CSMD3: variants seen among roughly 807,000 people sequenced by gnomAD.
CSMD3 encodes the protein CUB and Sushi multiple domains 3.
A neutral mutation model predicts 435.2 loss-of-function variants in CSMD3; 177 were observed. The observed-to-expected ratio is 0.41, with a 90% confidence interval of 0.36 to 0.46. The LOEUF (loss-of-function observed/expected upper bound fraction) is 0.46. Ranked by LOEUF, CSMD3 falls within the 20% of genes least tolerant of loss-of-function variation. CSMD3 has a pLI of 0.34. For missense variants in CSMD3, 4,265 were observed against 4,504.6 expected, an observed-to-expected ratio of 0.95 and a Z score of 1.52; for synonymous variants, 1,656 against 1,520.5, an observed-to-expected ratio of 1.09 and a Z score of -2.07.
chr8:113,259,935 T>C (rs933215850), intron 3 of CSMD3, among the ~76,000 whole-genome samples: 4 of 152,062 alleles, frequency 2.6e-5, no homozygotes, highest in Non-Finnish European at 4.4e-5. Context: ...GATTGAATCA[T>C]GGGGGTGGTT....
intron 41 of CSMD3, among the ~76,000 whole-genome samples, chr8:112,343,828 T>C (rs1255722586): frequency 6.6e-6 from 1 of 151,940 alleles, no homozygotes; most frequent in African/African-American, 2.4e-5. Flanking sequence ...TTTTTATTTA[T>C]AGTACAGACA....
chr8:112,724,499 G>T (rs2131983221), intron 13 of CSMD3, among the ~76,000 whole-genome samples: 1 of 152,208 alleles, frequency 6.6e-6, no homozygotes, highest in East Asian at 1.9e-4. Context: ...GTCTGTCTGA[G>T]CAAGGGGAAT....
chr8:113,434,322 C>A (rs1208386294), intron 1 of CSMD3, among the ~76,000 whole-genome samples: 1 of 152,104 alleles, frequency 6.6e-6, no homozygotes, highest in Non-Finnish European at 1.5e-5. Context: ...ACCTCACATT[C>A]CAGAAGAAAG....
At chr8:113,218,701 GA>G (rs1044091795) in intron 3 of CSMD3, among the ~76,000 whole-genome samples, 62 of 151,208 alleles carry the variant, frequency 4.1e-4, no homozygotes, top group African/African-American at 1.3e-3. Flanking sequence ...TCTGATAAAG[GA>G]AATCTACATA....
intron 1 of CSMD3, among the ~76,000 whole-genome samples, chr8:113,418,977 T>G (rs761709586): frequency 6.6e-6 from 1 of 152,212 alleles, no homozygotes; most frequent in African/African-American, 2.4e-5. Flanking sequence ...CCATAGCTTC[T>G]GCACCTGCAA....
chr8:113,336,271 T>C (rs772138916), intron 1 of CSMD3, among the ~76,000 whole-genome samples: 3 of 152,048 alleles, frequency 2.0e-5, no homozygotes, highest in Non-Finnish European at 2.9e-5. Flanking sequence ...CCTCCTTACA[T>C]GTTCTATTCT....
intron 36 of CSMD3, among the ~76,000 whole-genome samples, chr8:112,390,244 C>T (rs958037428): frequency 6.6e-6 from 1 of 152,166 alleles, no homozygotes; most frequent in Non-Finnish European, 1.5e-5. Flanking sequence ...TCTGTTTTAG[C>T]TGCTGGCCAT....
intron 66 of CSMD3, among the ~76,000 whole-genome samples, chr8:112,239,248 C>A (rs991493080): frequency 2.0e-5 from 3 of 152,056 alleles, no homozygotes; most frequent in African/African-American, 7.2e-5. Flanking sequence ...CTGGGGTCTG[C>A]TTGATTCACA....
chr8:113,175,658 G>C (rs1485582633), intron 3 of CSMD3, among the ~76,000 whole-genome samples: 2 of 151,868 alleles, frequency 1.3e-5, no homozygotes, highest in African/African-American at 2.4e-5. Context: ...AAAATTATTT[G>C]ATTAATAGAT....
chr8:112,247,128 C>T lies in CSMD3; in HGVS notation c.10114G>A (p.Gly3372Arg). Residue 3372 changes from glycine (G) to arginine (R), a missense_variant, in exon 64 of 71, where the codon GGA (glycine) becomes AGA (arginine). Around this residue, in one of 3 missense-constraint regions of CSMD3, gnomAD observed 3,255 missense variants for 3,380.2 expected, o/e 0.96. Transcript: ENST00000297405. Reference sequence around the variant, plus strand: ...TTGCAATGGAACTGTACAACACTTCCTACCTATAGCAAATTAAAGAGAGGA... The same window carrying T: ...TTGCAATGGAACTGTACAACACTTCTTACCTATAGCAAATTAAAGAGAGGA... The part of the protein sequence containing the change: ...SQNNTFGFQV[G>R]SVVQFHCKKG... 1 of 1,604,674 alleles carries T rather than the reference C, an allele frequency of 6.2e-7. No homozygotes were observed. Among genetic ancestry groups the T allele is most frequent in the Non-Finnish European group, 8.5e-7 (1 of 1,171,796 alleles).
chr8:112,779,051 C>T (rs1027769045), intron 13 of CSMD3, among the ~76,000 whole-genome samples: 4 of 151,628 alleles, frequency 2.6e-5, no homozygotes, highest in Non-Finnish European at 4.4e-5. Flanking sequence ...GAATTTTAGG[C>T]ACTCATTTTG....
At chr8:113,040,202 A>G (rs2087547185) in intron 5 of CSMD3, among the ~76,000 whole-genome samples, 1 of 152,196 alleles carries the variant, frequency 6.6e-6, no homozygotes, top group Non-Finnish European at 1.5e-5. Context: ...TATGCATGGA[A>G]TCTTGAGCAG....
At chr8:112,435,817 T>C (rs1219917199) in intron 32 of CSMD3, among the ~76,000 whole-genome samples, 1 of 152,018 alleles carries the variant, frequency 6.6e-6, no homozygotes, top group African/African-American at 2.4e-5. Flanking sequence ...TTTTCCTCTC[T>C]GTATTTTTTC....
chr8:112,822,966 G>C (rs1474805826), intron 12 of CSMD3, among the ~76,000 whole-genome samples: 1 of 152,174 alleles, frequency 6.6e-6, no homozygotes, highest in South Asian at 2.1e-4. Flanking sequence ...GACCAGCCTT[G>C]TATCCCGGGG....
At chr8:112,559,283 T>C (rs1017330389) in intron 24 of CSMD3, among the ~76,000 whole-genome samples, 1 of 151,884 alleles carries the variant, frequency 6.6e-6, no homozygotes, top group African/African-American at 2.4e-5. Context: ...ATATGGGAGA[T>C]TAATATGTCC....
intron 5 of CSMD3, among the ~76,000 whole-genome samples, chr8:113,043,024 A>C (rs905331645): frequency 1.3e-5 from 2 of 152,208 alleles, no homozygotes; most frequent in Non-Finnish European, 2.9e-5. Context: ...AAACAAAATT[A>C]TTATAATAGC....
At chr8:113,073,826 C>T (rs2089232152) in intron 5 of CSMD3, among the ~76,000 whole-genome samples, 1 of 151,626 alleles carries the variant, frequency 6.6e-6, no homozygotes, top group African/African-American at 2.4e-5. Context: ...TAATTTTAGT[C>T]CCTATGTTCC....
intron 7 of CSMD3, among the ~76,000 whole-genome samples, chr8:112,957,946 T>A (rs948910461): frequency 1.3e-5 from 2 of 152,218 alleles, no homozygotes; most frequent in Admixed American, 1.3e-4. Context: ...GGTTTCACCA[T>A]GTTGGCCAGG....
chr8:112,975,451 T>C (rs2084810612), intron 7 of CSMD3, among the ~76,000 whole-genome samples: 1 of 152,118 alleles, frequency 6.6e-6, no homozygotes, highest in African/African-American at 2.4e-5. Flanking sequence ...GGATAAATCA[T>C]CTATGTGTAA....
Sources: allele counts gnomAD v4.1 joint callset (sites outside exome capture counted in the v4.1 genomes callset), GRCh38; gene constraint gnomAD v4.1.1; regional missense constraint gnomAD v4.1.1; transcripts MANE v1.5; gene names NCBI Gene and HGNC (gene_info 2026-07-23, HGNC 2026-07-21).